UNC13C: variants seen among roughly 807,000 people sequenced by gnomAD.
UNC13C encodes unc-13 homolog C, also known as protein unc-13 homolog C.
In UNC13C, 174 loss-of-function variants were observed where a neutral mutation model predicts 245.4. The ratio of observed to expected loss-of-function variants is 0.71; its 90% CI spans 0.63 to 0.80. UNC13C has a LOEUF of 0.80. UNC13C is among the 30% of genes least tolerant of loss of function. The pLI is 0.00. For missense variants in UNC13C, 2,829 were observed against 2,602.9 expected (o/e 1.09, Z -1.89); for synonymous variants, 992 against 895.1 (o/e 1.11, Z -1.93).
intron 18 of UNC13C, among the ~76,000 whole-genome samples, chr15:54,412,883 A>T (rs983550041): frequency 2.6e-4 from 39 of 152,180 alleles, no homozygotes; most frequent in Non-Finnish European, 2.9e-5. Context: ...ATCAAGTGTG[A>T]GACTTAACTA....
intron 29 of UNC13C, among the ~76,000 whole-genome samples, chr15:54,559,397 C>G (rs1174293360): frequency 6.6e-6 from 1 of 151,988 alleles, no homozygotes; most frequent in Non-Finnish European, 1.5e-5. Context: ...TTTTTCTCAG[C>G]ATCTTCTTTT....
intron 2 of UNC13C, among the ~76,000 whole-genome samples, chr15:54,096,663 C>T (rs1478135739): frequency 6.6e-6 from 1 of 152,148 alleles, no homozygotes; most frequent in Non-Finnish European, 1.5e-5. Context: ...AACTTTCTTA[C>T]CATTGCCTGA....
chr15:54,603,483 T>C (rs552263799), intron 30 of UNC13C, among the ~76,000 whole-genome samples: 47 of 152,306 alleles, frequency 3.1e-4, no homozygotes, highest in Admixed American at 8.5e-4. Flanking sequence ...TTCTTAGATA[T>C]ATATAGAAAA....
At position 54,368,894 on chromosome 15, in the gene UNC13C, G is replaced by A. The variant is rs1156282928; in HGVS notation, c.4714-24154G>A. ...CAGTAATATCCTTTCAAATATTAAA[G>A]CTGAGGAGTCTATTTCATAAAGTCC... On this transcript the variant is annotated intron_variant, in intron 17 of 32. Coordinates refer to ENST00000260323, the MANE Select transcript of UNC13C (RefSeq NM_001080534.3). 3.3e-5 allele frequency among the ~76,000 whole-genome samples: 5 copies of A among 152,178 alleles called. No homozygotes were observed. In the East Asian group the frequency reaches 7.7e-4, roughly 24 times the overall value.
intron 13 of UNC13C, among the ~76,000 whole-genome samples, chr15:54,301,439 G>C (rs1399030991): frequency 6.6e-6 from 1 of 151,782 alleles, no homozygotes; most frequent in African/African-American, 2.4e-5. Flanking sequence ...CCCTCCCTTA[G>C]CCGTCTACGC....
intron 2 of UNC13C, among the ~76,000 whole-genome samples, chr15:54,038,001 A>T (rs1212189431): frequency 4.5e-4 from 67 of 149,082 alleles, no homozygotes; most frequent in Non-Finnish European, 1.6e-4. Context: ...ATATCATTTT[A>T]AAATTAATAT....
intron 27 of UNC13C, 87 bp downstream of exon 27, chr15:54,546,932 T>A: frequency 8.3e-7 from 1 of 1,207,130 alleles, no homozygotes; most frequent in Non-Finnish European, 1.1e-6. Context: ...AAATACTAAT[T>A]AAATCCCTTT....
chr15:54,481,204 G>A (rs1190327076), intron 19 of UNC13C, among the ~76,000 whole-genome samples: 2 of 152,150 alleles, frequency 1.3e-5, no homozygotes, highest in Non-Finnish European at 2.9e-5. Context: ...TGGATGGGAT[G>A]CTAGGCATGC....
intron 13 of UNC13C, among the ~76,000 whole-genome samples, chr15:54,312,703 C>T (rs541981229): frequency 7.2e-5 from 11 of 151,830 alleles, no homozygotes; most frequent in Non-Finnish European, 1.5e-4. Context: ...AACAGCTTTA[C>T]TGCCTGGGGA....
At chr15:54,190,011 G>T (rs748721644) in intron 4 of UNC13C, among the ~76,000 whole-genome samples, 6 of 152,144 alleles carry the variant, frequency 3.9e-5, no homozygotes, top group Non-Finnish European at 8.8e-5. Flanking sequence ...AAAGGTTTTA[G>T]AGACTAAACT....
At chr15:53,874,045 T>C in the UNC13C span, among the ~76,000 whole-genome samples, 47,365 of 151,406 alleles carry the variant, frequency 0.31, 7,891 homozygotes, top group Non-Finnish European at 0.36. Context: ...GATATAATCA[T>C]GGCTCACTAC....
At chr15:54,320,832 C>T (rs1596213858) in intron 13 of UNC13C, 4 of 319,056 alleles carry the variant, frequency 1.3e-5, no homozygotes, top group African/African-American at 6.5e-5. Context: ...GGAACTAGAG[C>T]TTCTGCCTCC....
the UNC13C span, among the ~76,000 whole-genome samples, chr15:53,885,905 G>A: frequency 9.1e-4 from 139 of 152,276 alleles, no homozygotes; most frequent in African/African-American, 3.2e-3. Flanking sequence ...GTTGTTTCTC[G>A]TTGGGTATGG....
chr15:54,487,209 C>T (rs1025463495), intron 19 of UNC13C, among the ~76,000 whole-genome samples: 5 of 152,114 alleles, frequency 3.3e-5, no homozygotes, highest in African/African-American at 9.7e-5. Flanking sequence ...GGATTCATTC[C>T]GGGTTTCTGC....
chr15:54,317,891 C>T (rs951253439), intron 13 of UNC13C, among the ~76,000 whole-genome samples: 1 of 151,912 alleles, frequency 6.6e-6, no homozygotes, highest in Admixed American at 6.6e-5. Context: ...CCCAACCCTG[C>T]ACCCCCTAAC....
intron 19 of UNC13C, among the ~76,000 whole-genome samples, chr15:54,439,054 G>A (rs534009500): frequency 6.6e-6 from 1 of 151,820 alleles, no homozygotes; most frequent in African/African-American, 2.4e-5. Context: ...ACTAGATCAG[G>A]ACAACATTAT....
At chr15:53,842,850 T>C in the UNC13C span, among the ~76,000 whole-genome samples, 5 of 150,876 alleles carry the variant, frequency 3.3e-5, no homozygotes, top group Non-Finnish European at 7.4e-5. Flanking sequence ...ACTGAAGAAA[T>C]TTTGAACACC....
At chr15:54,437,597 A>G (rs1397794404) in intron 19 of UNC13C, among the ~76,000 whole-genome samples, 1 of 151,912 alleles carries the variant, frequency 6.6e-6, no homozygotes, top group Non-Finnish European at 1.5e-5. Context: ...ATGATACAAT[A>G]GCTTTTGAGG....
intron 10 of UNC13C, among the ~76,000 whole-genome samples, chr15:54,291,152 A>G (rs929939134): frequency 1.3e-5 from 2 of 152,052 alleles, no homozygotes; most frequent in Non-Finnish European, 2.9e-5. Flanking sequence ...AATTACCAAA[A>G]GTGTTATCAT....
Sources: allele counts gnomAD v4.1 joint callset (sites outside exome capture counted in the v4.1 genomes callset), GRCh38; gene constraint gnomAD v4.1.1; transcripts MANE v1.5; gene names NCBI Gene and HGNC (gene_info 2026-07-23, HGNC 2026-07-21).